The following CROCC variants were observed in gnomAD, a reference collection of about 807,000 sequenced individuals.
CROCC encodes the protein rootletin.
Under a neutral mutation model 245.2 loss-of-function variants are expected in CROCC, and 180 were observed. That is an observed-to-expected ratio of 0.73 (90% CI 0.65 to 0.83). The LOEUF (loss-of-function observed/expected upper bound fraction) is 0.83, where lower values mean the gene tolerates loss of function less well. Among genes scored for constraint, CROCC ranks in the 40% least tolerant of loss-of-function variants. The pLI is 0.00. For missense variants in CROCC, 2,688 were observed against 2,779.4 expected (o/e 0.97, Z 0.74); for synonymous variants, 1,205 against 1,241.6 (o/e 0.97, Z 0.62).
upstream of CROCC, among the ~76,000 whole-genome samples, chr1:16,918,054 G>A (rs1362889511): frequency 2.3e-5 from 3 of 128,968 alleles, no homozygotes; most frequent in East Asian, 6.2e-4. Flanking sequence ...TTTGTGGTGA[G>A]CACATTGCAG....
intron 1 of CROCC, among the ~76,000 whole-genome samples, chr1:16,915,538 G>A (rs374162166): frequency 0.016 from 2,433 of 151,320 alleles, no homozygotes; most frequent in African/African-American, 0.056. Flanking sequence ...TACTCAGGAG[G>A]CTGAGGTGGG....
intron 9 of CROCC, 132 bp downstream of exon 9, chr1:16,937,005 ACT>A: frequency 1.0e-6 from 1 of 1,003,700 alleles, no homozygotes; most frequent in Non-Finnish European, 1.5e-6. Context: ...CTTCCCATGC[ACT>A]GAGGTTCCGA....
At chr1:16,964,157 CAG>C (rs1368801856) in intron 27 of CROCC, among the ~76,000 whole-genome samples, 5 of 140,670 alleles carry the variant, frequency 3.6e-5, no homozygotes, top group Non-Finnish European at 6.1e-5. Flanking sequence ...TTTTTTGAGA[CAG>C]AGTCTCTCTC....
At chr1:16,943,150 G>A (rs2075968008) in intron 13 of CROCC, among the ~76,000 whole-genome samples, 2 of 152,248 alleles carry the variant, frequency 1.3e-5, no homozygotes, top group African/African-American at 4.8e-5. Context: ...GCTGAGGCAG[G>A]AGAATCGCTT....
chr1:16,935,617 G>T (rs1353279230), intron 8 of CROCC, among the ~76,000 whole-genome samples: 5 of 152,250 alleles, frequency 3.3e-5, no homozygotes. Context: ...ATAGAGACGG[G>T]GTTTCACCGT....
chr1:16,951,783 G>T (rs2076163508), intron 20 of CROCC: 1 of 155,016 alleles, frequency 6.5e-6, no homozygotes, highest in South Asian at 2.0e-4. Context: ...CAGAGGTGCA[G>T]GCTATGACTG....
At chr1:16,968,029 A>T (rs955750704) in intron 30 of CROCC, among the ~76,000 whole-genome samples, 174 bp from the exon 31 acceptor site, 1 of 152,118 alleles carries the variant, frequency 6.6e-6, no homozygotes, top group Non-Finnish European at 1.5e-5. Context: ...ACGTCCACTC[A>T]TCCTGGGAAC....
intron 13 of CROCC, among the ~76,000 whole-genome samples, chr1:16,942,121 C>T (rs2075947154): frequency 6.6e-6 from 1 of 152,270 alleles, no homozygotes; most frequent in Non-Finnish European, 1.5e-5. Context: ...AGTGATCCTT[C>T]CATCTCAGCC....
In CROCC at chr1:16,966,373, T is replaced by G. The variant is rs1217460520; in HGVS notation, c.4697-35T>G. ...CCTGGTTTGGGTCTCGGGGCTGTGC[T>G]TGGCCATGCCTGACGGGGTGGGTGG... On this transcript the variant is annotated intron_variant, in intron 29 of 36. Transcript: ENST00000375541. The surrounding 1 kb of genome is among the most constrained non-coding windows in gnomAD (Gnocchi z 4.8). 8 of 1,495,830 alleles carry G rather than the reference T, an allele frequency of 5.3e-6. No individual in the cohort carries two copies. Among genetic ancestry groups the G allele is most frequent in the Non-Finnish European group, 7.1e-6 (8 of 1,122,208 alleles). 92.7% of individuals were successfully genotyped at this position (1,495,830 alleles called of 1,614,324 possible). A position where few individuals can be genotyped will look rare whatever the true frequency, so the allele number is the denominator to read the frequency against.
Position 16,965,770 on chromosome 1 carries a change from G to C in CROCC, c.4453G>C (p.Gly1485Arg), listed in dbSNP as rs369031757. 1.9e-6 allele frequency: 3 copies of C among 1,613,736 alleles called. No homozygotes were observed. Among genetic ancestry groups the C allele is most frequent in the Non-Finnish European group, 2.5e-6 (3 of 1,179,996 alleles). ...NSPSTLECSP[G>R]SQPPSPGPAT... is the part of the protein sequence containing the mutation. ...CCCCAGCACCTTAGAATGCAGCCCT[G>C]GGTCCCAGCCACCATCTCCAGGACC... The change falls in exon 28 of 37, where the codon GGG (glycine) becomes CGG (arginine). Residue 1485 changes from glycine to arginine, a missense_variant. This residue lies in a region of CROCC where 1,218 missense variants were observed against 1,286.3 expected (regional missense o/e 0.95). Transcript: ENST00000375541.
intron 9 of CROCC, 148 bp downstream of exon 9, chr1:16,937,021 C>A: frequency 1.1e-6 from 1 of 886,700 alleles, no homozygotes; most frequent in South Asian, 1.7e-5. Flanking sequence ...GTTCCGAAGG[C>A]ACTTGCCCAG....
intron 27 of CROCC, among the ~76,000 whole-genome samples, chr1:16,964,810 A>G (rs1009553783): frequency 1.3e-5 from 2 of 152,106 alleles, no homozygotes; most frequent in Non-Finnish European, 2.9e-5. Context: ...AGCTTCTCGA[A>G]TAGCTGGGAT....
chr1:16,964,900 C>T (rs1217130412), intron 27 of CROCC, among the ~76,000 whole-genome samples: 4 of 152,158 alleles, frequency 2.6e-5, no homozygotes, highest in Admixed American at 6.5e-5. Flanking sequence ...AGGCTGGTCT[C>T]GAACTCCTGA....
At chr1:16,938,761 T>C in intron 11 of CROCC, 148 bp from the exon 12 acceptor site, 1 of 843,852 alleles carries the variant, frequency 1.2e-6, no homozygotes, top group East Asian at 2.7e-5. Context: ...AGGACTGAGC[T>C]AGTGGAGGAG....
intron 1 of CROCC, 65 bp downstream of exon 1, chr1:16,922,143 G>A: frequency 2.1e-6 from 3 of 1,415,590 alleles, no homozygotes; most frequent in East Asian, 2.5e-5. Flanking sequence ...CAGGAGTGGT[G>A]AGAGGTGTGT....
At chr1:16,971,401 C>G in intron 35 of CROCC, 64 bp from the exon 36 acceptor site, 1 of 1,456,546 alleles carries the variant, frequency 6.9e-7, no homozygotes, top group Admixed American at 2.3e-5. Flanking sequence ...ACCTGACAAC[C>G]CGTCACACAT....
chr1:16,921,146 G>A (rs567507742), upstream of CROCC, among the ~76,000 whole-genome samples: 18 of 152,280 alleles, frequency 1.2e-4, no homozygotes, highest in African/African-American at 3.4e-4. Flanking sequence ...ATGCACACAC[G>A]ATACTGTTTC....
At position 16,948,425 on chromosome 1, in the gene CROCC, A is replaced by T; in HGVS notation, c.2609A>T (p.Glu870Val). The T allele has an allele frequency of 6.4e-7, 1 of 1,570,892 alleles. No individual in the cohort carries two copies. Among genetic ancestry groups the T allele is most frequent in the South Asian group, 1.2e-5 (1 of 86,108 alleles). Residue 870 changes from glutamate (E) to valine (V), a missense_variant, in exon 18 of 37, where the codon GAG (glutamate) becomes GTG (valine). Glu to Val is a moderately radical substitution (Grantham distance 121, BLOSUM62 -2). Coordinates refer to ENST00000375541, the MANE Select transcript of CROCC (RefSeq NM_014675.5). ...QVEALERAAR[E>V]KEALAKEHAG... ...GAGGCGCTGGAGCGAGCGGCCCGTG[A>T]GAAGGAGGCGCTAGCCAAGGAGCAC...
intron 1 of CROCC, among the ~76,000 whole-genome samples, chr1:16,914,409 C>T (rs2075282458): frequency 6.6e-6 from 1 of 152,252 alleles, no homozygotes; most frequent in Admixed American, 6.5e-5. Context: ...GCCGTCCCTC[C>T]GCCGGCCGGG....
Sources: gnomAD v4.1 joint callset for allele counts (sites outside exome capture counted in the v4.1 genomes callset) on GRCh38, gnomAD v4.1.1 for gene constraint, gnomAD v4.1.1 regional missense constraint, Gnocchi (gnomAD v3.1) non-coding constraint, MANE v1.5 for transcripts, NCBI Gene and HGNC (gene_info 2026-07-23, HGNC 2026-07-21) for gene names.